Variants in RRAGC observed in about 807,000 individuals in gnomAD.
The protein encoded by RRAGC is ras-related GTP-binding protein C.
Under a neutral mutation model 37.1 loss-of-function variants are expected in RRAGC, and 8 were observed. The ratio of observed to expected loss-of-function variants is 0.22; its 90% CI spans 0.13 to 0.39. The LOEUF is 0.39. RRAGC is among the 10% of genes least tolerant of loss of function. The probability of loss-of-function intolerance (pLI) is 1.00; values close to 1 mark genes in which losing one functional copy is unlikely to be tolerated. For synonymous variants in RRAGC, 190 were observed against 181.1 expected (o/e 1.05, Z -0.39); for missense variants, 342 against 497.6 (o/e 0.69, Z 2.98).
chr1:38,851,570 T>C, intron 5 of RRAGC, 45 bp downstream of exon 5: 1 of 1,458,508 alleles, frequency 6.9e-7, no homozygotes, highest in Non-Finnish European at 9.0e-7. Context: ...AAGTTAATAG[T>C]TTTCCGCCTG....
At chr1:38,839,962 C>A (rs576928678) in intron 6 of RRAGC, among the ~76,000 whole-genome samples, 4 of 151,794 alleles carry the variant, frequency 2.6e-5, no homozygotes, top group Non-Finnish European at 4.4e-5. Flanking sequence ...CTGGCTAACA[C>A]GGTGAAACCC....
In RRAGC at chr1:38,859,741, A is replaced by C; in HGVS notation, c.-95T>G. 3.8e-6 allele frequency: 4 copies of C among 1,054,998 alleles called. No homozygotes were observed. Among genetic ancestry groups the C allele is most frequent in the Non-Finnish European group, 4.8e-6 (4 of 835,070 alleles). 65.4% of individuals were successfully genotyped at this position (1,054,998 alleles called of 1,614,324 possible). On this transcript the variant is annotated 5_prime_UTR_variant, in exon 1 of 7. Transcript: ENST00000373001. ...GTCCGCCTCCGCCGCCGCCGCCACC[A>C]CCGCCACCGCCCCCGGCAGCCGCCA...
In RRAGC at chr1:38,855,833, A is replaced by T. The variant is rs774971785; in HGVS notation, c.516T>A (p.Asn172Lys). 6.2e-7 allele frequency: 1 copy of T among 1,614,040 alleles called. No homozygotes were observed. Among genetic ancestry groups the T allele is most frequent in the South Asian group, 1.1e-5 (1 of 91,082 alleles). Reference protein sequence around the residue: ...SKAYKVNPDMNFEVFIHKVDG... With the variant: ...SKAYKVNPDMKFEVFIHKVDG... ...CAACTTTGTGAATAAAAACCTCAAA[A>T]TTCATGTCTGGGTTAACTTTGTAGG... Residue 172 changes from asparagine to lysine, a missense_variant, in exon 3 of 7, where the codon AAT becomes AAA. Asn to Lys is a moderately conservative substitution (Grantham distance 94, BLOSUM62 0). Around this residue, in one of 3 missense-constraint regions of RRAGC, gnomAD observed 134 missense variants for 277.2 expected, o/e 0.48. Coordinates refer to ENST00000373001, the MANE Select transcript of RRAGC (RefSeq NM_022157.4).
chr1:38,851,931 G>A (rs532235077), intron 4 of RRAGC, among the ~76,000 whole-genome samples, 174 bp from the exon 5 acceptor site: 176 of 152,314 alleles, frequency 1.2e-3, no homozygotes, highest in Non-Finnish European at 1.8e-3. Flanking sequence ...AAGAATGAAA[G>A]AGGAATTATT....
intron 6 of RRAGC, 87 bp from the exon 7 acceptor site, chr1:38,839,791 T>A: frequency 3.0e-6 from 4 of 1,322,160 alleles, no homozygotes; most frequent in African/African-American, 1.5e-5. Context: ...ATAACTCGGA[T>A]AAACACTGGT....
chr1:38,844,888 T>C (rs989967109), intron 6 of RRAGC, among the ~76,000 whole-genome samples: 13 of 152,298 alleles, frequency 8.5e-5, no homozygotes, highest in Admixed American at 5.2e-4. Context: ...TCATCACCAC[T>C]GGTCATTAGA....
At chr1:38,857,217 A>T in intron 1 of RRAGC, 135 bp from the exon 2 acceptor site, 1 of 625,766 alleles carries the variant, frequency 1.6e-6, no homozygotes, top group Admixed American at 2.9e-5. Context: ...CTGAATGGTG[A>T]ATCCATTGGT....
At chr1:38,856,836 C>CT (rs1178271291) in intron 2 of RRAGC, 43 bp downstream of exon 2, 1 of 1,579,608 alleles carries the variant, frequency 6.3e-7, no homozygotes, top group East Asian at 2.2e-5. Context: ...GTTTCTACAT[C>CT]TTTTTCCCAC....
chr1:38,857,970 A>C (rs545079844), intron 1 of RRAGC, among the ~76,000 whole-genome samples: 21 of 152,298 alleles, frequency 1.4e-4, no homozygotes, highest in East Asian at 5.8e-4. Context: ...AACAAACAAA[A>C]AAAAAAGGAT....
At chr1:38,850,844 G>GT (rs377558651) in intron 5 of RRAGC, among the ~76,000 whole-genome samples, 3,740 of 98,712 alleles carry the variant, frequency 0.038, 154 homozygotes, top group African/African-American at 0.16. Flanking sequence ...TTTTTTTGTT[G>GT]TTTTTTTTTG....
intron 1 of RRAGC, 106 bp downstream of exon 1, chr1:38,859,304 G>A (rs896081401): frequency 2.9e-6 from 3 of 1,045,620 alleles, no homozygotes; most frequent in Admixed American, 2.6e-5. Flanking sequence ...AAAGTGCGGA[G>A]GGACGGAGCG....
intron 6 of RRAGC, among the ~76,000 whole-genome samples, chr1:38,843,353 T>G (rs545478801): frequency 7.2e-5 from 11 of 152,274 alleles, no homozygotes; most frequent in African/African-American, 2.6e-4. Flanking sequence ...TATTTGTCAT[T>G]TTAGTTCTTA....
In RRAGC at chr1:38,839,108, G is replaced by GCT. The variant is rs1641918803; in HGVS notation, c.*444_*445insAG. On this transcript the variant is annotated 3_prime_UTR_variant, in exon 7 of 7. Transcript: ENST00000373001. ...CCAAAACTGAAATCTGAGAGGCAGT[G>GCT]TTAGAACTTAAGCAAGGCAGAATTT... The GCT allele has an allele frequency of 6.4e-6, 1 of 155,256 alleles. No homozygotes were observed. Among genetic ancestry groups the GCT allele is most frequent in the Non-Finnish European group, 1.4e-5 (1 of 70,160 alleles). The allele number at this position is 155,256 out of a possible 1,614,324, so 9.6% of individuals were successfully genotyped here.
At chr1:38,857,697 C>T (rs1362024549) in intron 1 of RRAGC, among the ~76,000 whole-genome samples, 2 of 152,242 alleles carry the variant, frequency 1.3e-5, no homozygotes, top group African/African-American at 2.4e-5. Context: ...CGGTGGCTCA[C>T]GCCTTCAATC....
In RRAGC at chr1:38,851,713, T is replaced by C; in HGVS notation, c.801A>G (p.Lys267=). The C allele has an allele frequency of 6.2e-7, 1 of 1,607,132 alleles. No homozygotes were observed. The highest frequency in any genetic ancestry group is 8.5e-7 in the Non-Finnish European group (1 of 1,178,198). Residue 267 remains lysine (K), a synonymous_variant, in exon 5 of 7, where the codon AAA becomes AAG. Coordinates refer to ENST00000373001, the MANE Select transcript of RRAGC (RefSeq NM_022157.4). ...EKAFLFDVVS[K]IYIATDSSPV... is the part of the protein sequence containing the mutation. ...GGGAACTGTCTGTTGCAATGTAGAT[T>C]TTGCTGACAACATCAAAGAGAAAAG... is the stretch of plus-strand genomic sequence containing the variant.
At chr1:38,849,648 A>G (rs1642072031) in intron 5 of RRAGC, among the ~76,000 whole-genome samples, 1 of 152,142 alleles carries the variant, frequency 6.6e-6, no homozygotes, top group African/African-American at 2.4e-5. Context: ...AGATCACACC[A>G]CTGCACTCCA....
chr1:38,854,500 G>C (rs984905420), intron 3 of RRAGC, among the ~76,000 whole-genome samples: 1 of 152,200 alleles, frequency 6.6e-6, no homozygotes, highest in Non-Finnish European at 1.5e-5. Flanking sequence ...GGAGTAAAGA[G>C]AATCAGAAGG....
chr1:38,854,648 G>A (rs1166749054), intron 3 of RRAGC, among the ~76,000 whole-genome samples: 1 of 152,158 alleles, frequency 6.6e-6, no homozygotes, highest in African/African-American at 2.4e-5. Context: ...AAACATTGCT[G>A]AATTTTTATT....
rs572550949 is a variant in RRAGC, at chr1:38,850,276, C to T, written c.899+1339G>A. ...CTGTAATCCCAGCACTTTGGGAGGC[C>T]GAGGCGGGTGGATCACAAGGTCAGG... is the stretch of plus-strand genomic sequence containing the variant. On this transcript the variant is annotated intron_variant, in intron 5 of 6. Coordinates refer to ENST00000373001, the MANE Select transcript of RRAGC (RefSeq NM_022157.4). Among the ~76,000 whole-genome samples, 10 of 151,860 alleles carry T rather than the reference C, an allele frequency of 6.6e-5. No individual in the cohort carries two copies. The South Asian group carries it at 1.2e-3, about 19-fold the overall frequency.
Sources: gnomAD v4.1 joint callset for allele counts (sites outside exome capture counted in the v4.1 genomes callset) on GRCh38, gnomAD v4.1.1 for gene constraint, gnomAD v4.1.1 regional missense constraint, MANE v1.5 for transcripts, NCBI Gene and HGNC (gene_info 2026-07-23, HGNC 2026-07-21) for gene names.